Variants in STK33 observed in about 807,000 individuals in gnomAD.
The protein encoded by STK33 is serine/threonine-protein kinase 33.
STK33 carries 52 observed loss-of-function variants against 58.0 expected under a neutral mutation model. That is an observed-to-expected ratio of 0.90 (90% confidence interval 0.72 to 1.13). STK33 has a LOEUF of 1.13. Among genes scored for constraint, STK33 ranks in the 50% most tolerant of loss-of-function variants. STK33 has a pLI of 0.00. For missense variants in STK33, 630 were observed against 604.2 expected (o/e 1.04, Z -0.45); for synonymous variants, 215 against 200.1 (o/e 1.07, Z -0.63).
intron 1 of STK33, among the ~76,000 whole-genome samples, chr11:8,577,262 T>C (rs529865878): frequency 2.0e-5 from 3 of 152,308 alleles, no homozygotes; most frequent in Admixed American, 2.0e-4. Context: ...TCAATAATCA[T>C]AGTGACTTTA....
At chr11:8,394,101 A>G (rs1848950256) in intron 15 of STK33, among the ~76,000 whole-genome samples, 2 of 152,182 alleles carry the variant, frequency 1.3e-5, no homozygotes, top group South Asian at 4.1e-4. Context: ...TTCCCCCCTA[A>G]GCAAACTTCT....
At chr11:8,380,461 G>C in the STK33 span, among the ~76,000 whole-genome samples, 23 of 151,994 alleles carry the variant, frequency 1.5e-4, no homozygotes, top group African/African-American at 5.3e-4. Context: ...TCAGGAGGCT[G>C]AGGCAGGAGA....
At chr11:8,526,117 G>C (rs1953998577) in intron 1 of STK33, among the ~76,000 whole-genome samples, 1 of 152,124 alleles carries the variant, frequency 6.6e-6, no homozygotes, top group Non-Finnish European at 1.5e-5. Context: ...AAGTTATTTA[G>C]GCCAGGCATG....
intron 1 of STK33, among the ~76,000 whole-genome samples, chr11:8,549,351 G>C (rs535516963): frequency 3.2e-4 from 48 of 152,162 alleles, no homozygotes; most frequent in African/African-American, 1.2e-3. Flanking sequence ...GATCTTTTCA[G>C]TGTGTTGTTG....
At chr11:8,386,255 A>G in the STK33 span, among the ~76,000 whole-genome samples, 3 of 152,208 alleles carry the variant, frequency 2.0e-5, no homozygotes, top group Admixed American at 2.0e-4. Flanking sequence ...GGGCTGGGCT[A>G]CACAGTAATG....
At chr11:8,518,099 G>A (rs188661850) in intron 1 of STK33, among the ~76,000 whole-genome samples, 3,120 of 152,162 alleles carry the variant, frequency 0.021, 55 homozygotes, top group Non-Finnish European at 0.03. Flanking sequence ...GAGAAAGGTC[G>A]GGTTACCCAC....
chr11:8,490,000 C>T (rs115296326), intron 1 of STK33, among the ~76,000 whole-genome samples: 1 of 152,140 alleles, frequency 6.6e-6, no homozygotes, highest in South Asian at 2.1e-4. Flanking sequence ...CCACTGTGAT[C>T]AACGCAGAAG....
intron 1 of STK33, among the ~76,000 whole-genome samples, chr11:8,517,659 C>A (rs1048474724): frequency 6.6e-6 from 1 of 152,150 alleles, no homozygotes; most frequent in Non-Finnish European, 1.5e-5. Flanking sequence ...CCTGATGGAG[C>A]TGAAAATCAC....
chr11:8,462,837 C>T (rs1000857502), intron 7 of STK33, among the ~76,000 whole-genome samples: 2 of 152,134 alleles, frequency 1.3e-5, no homozygotes, highest in African/African-American at 2.4e-5. Flanking sequence ...CCTGCCAAAT[C>T]ATCACCCCTA....
At chr11:8,544,647 A>T (rs1028633902) in intron 1 of STK33, among the ~76,000 whole-genome samples, 1 of 152,028 alleles carries the variant, frequency 6.6e-6, no homozygotes, top group Non-Finnish European at 1.5e-5. Context: ...AAAATTTAAG[A>T]ACAATAGTTA....
intron 1 of STK33, among the ~76,000 whole-genome samples, chr11:8,571,796 G>C (rs1266540814): frequency 1.3e-4 from 19 of 148,614 alleles, no homozygotes; most frequent in African/African-American, 4.7e-4. Context: ...TCGCGCCACT[G>C]CACTCCAGCC....
chr11:8,544,425 T>C (rs898600799), intron 1 of STK33, among the ~76,000 whole-genome samples: 1 of 150,128 alleles, frequency 6.7e-6, no homozygotes, highest in Non-Finnish European at 1.5e-5. Flanking sequence ...TTGATTTTAT[T>C]AACAAATACT....
chr11:8,534,798 A>G (rs1954865087), intron 1 of STK33, among the ~76,000 whole-genome samples: 1 of 152,130 alleles, frequency 6.6e-6, no homozygotes, highest in Admixed American at 6.5e-5. Flanking sequence ...TAATTAGAGA[A>G]CTGCAATCTA....
At chr11:8,400,612 C>G (rs1235441865) in intron 15 of STK33, among the ~76,000 whole-genome samples, 2 of 151,618 alleles carry the variant, frequency 1.3e-5, no homozygotes, top group East Asian at 3.9e-4. Flanking sequence ...GTTGGAAGTT[C>G]TGGCCAGGGC....
intron 14 of STK33, among the ~76,000 whole-genome samples, chr11:8,423,875 T>C (rs1157771866): frequency 6.6e-6 from 1 of 152,064 alleles, no homozygotes; most frequent in Non-Finnish European, 1.5e-5. Flanking sequence ...TAAGGTTATT[T>C]TATTAGTTGC....
chr11:8,575,228 A>G (rs1958094985), intron 1 of STK33, among the ~76,000 whole-genome samples: 1 of 152,236 alleles, frequency 6.6e-6, no homozygotes, highest in South Asian at 2.1e-4. Context: ...TTACCACATG[A>G]CCAGCAATTC....
intron 11 of STK33, among the ~76,000 whole-genome samples, chr11:8,444,598 T>C (rs1945180820): frequency 6.6e-6 from 1 of 152,118 alleles, no homozygotes; most frequent in African/African-American, 2.4e-5. Context: ...ATTGAATTTA[T>C]AGGAGAATAT....
chr11:8,516,564 G>A (rs1319811359), intron 1 of STK33, among the ~76,000 whole-genome samples: 1 of 152,238 alleles, frequency 6.6e-6, no homozygotes, highest in Non-Finnish European at 1.5e-5. Flanking sequence ...CAAGGGGCGG[G>A]GGAATTCCCT....
intron 1 of STK33, among the ~76,000 whole-genome samples, chr11:8,513,067 G>A (rs10444316): frequency 0.55 from 83,631 of 151,922 alleles, 23,368 homozygotes; most frequent in African/African-American, 0.65. Context: ...GGTTATAAGC[G>A]GCACTCTTAT....
Sources: allele counts gnomAD v4.1 joint callset (sites outside exome capture counted in the v4.1 genomes callset), GRCh38; gene constraint gnomAD v4.1.1; transcripts MANE v1.5; gene names NCBI Gene and HGNC (gene_info 2026-07-23, HGNC 2026-07-21).